INTS7: variants seen among roughly 807,000 people sequenced by gnomAD.
The protein encoded by INTS7 is integrator complex subunit 7, also known as chromosome 1 open reading frame 73.
Under a neutral mutation model 109.2 loss-of-function variants are expected in INTS7, and 46 were observed. That is an observed-to-expected ratio of 0.42 (90% CI 0.33 to 0.54). The LOEUF is 0.54. Ranked by LOEUF, INTS7 falls within the 20% of genes least tolerant of loss-of-function variation. The probability of loss-of-function intolerance (pLI) is 0.07; values close to 1 mark genes in which losing one functional copy is unlikely to be tolerated. For synonymous variants in INTS7, 412 were observed against 402.9 expected (o/e 1.02, Z -0.27); for missense variants, 929 against 1,132.4 (o/e 0.82, Z 2.58).
chr1:211,996,469 A>G (rs1300221699), intron 7 of INTS7, among the ~76,000 whole-genome samples: 1 of 152,096 alleles, frequency 6.6e-6, no homozygotes, highest in Non-Finnish European at 1.5e-5. Context: ...CAAACCCCTG[A>G]ACTGTTTACA....
chr1:211,966,542 C>T (rs762969685), intron 15 of INTS7, 44 bp from the exon 16 acceptor site: 13 of 1,190,734 alleles, frequency 1.1e-5, no homozygotes, highest in South Asian at 3.9e-5. Flanking sequence ...AGAAGAAACC[C>T]GCTATAGGTT....
intron 8 of INTS7, among the ~76,000 whole-genome samples, chr1:211,983,826 GT>G (rs1165068808): frequency 6.7e-6 from 1 of 148,210 alleles, no homozygotes; most frequent in Non-Finnish European, 1.5e-5. Flanking sequence ...GAGCCTCAGT[GT>G]TTTTTGGGTT....
chr1:211,959,338 C>T lies in INTS7; in HGVS notation c.2184-6637G>A, dbSNP rs556237463. Among the ~76,000 whole-genome samples, 2 of 152,320 alleles carry T rather than the reference C, an allele frequency of 1.3e-5. No homozygotes were observed. The highest frequency in any genetic ancestry group is 3.9e-4 in the East Asian group (2 of 5,174). On this transcript the variant is annotated intron_variant, in intron 16 of 19. Transcript: ENST00000366994. This position sits in a 1 kb window ranked among gnomAD's most constrained non-coding sequence, Gnocchi z 4.2. ...CAGATGGGGCCAGTCCATCTGGCCT[C>T]TCCTGGGGCCCCAACCTGGCTGTGC... is the stretch of plus-strand genomic sequence containing the variant.
At chr1:211,952,321 G>A in intron 17 of INTS7, 1 of 323,696 alleles carries the variant, frequency 3.1e-6, no homozygotes, top group Non-Finnish European at 5.5e-6. Flanking sequence ...AATTTTATTT[G>A]CATTCTGGTA....
intron 3 of INTS7, 30 bp from the exon 4 acceptor site, chr1:212,017,053 G>A (rs1457613447): frequency 5.9e-6 from 9 of 1,530,266 alleles, no homozygotes; most frequent in African/African-American, 2.9e-5. Flanking sequence ...CAAGAAGATC[G>A]GGCATAAAAT....
chr1:211,966,376 G>T, intron 16 of INTS7, 54 bp downstream of exon 16: 1 of 982,642 alleles, frequency 1.0e-6, no homozygotes, highest in Non-Finnish European at 1.6e-6. Context: ...GATTAGGTAA[G>T]ACAATGTATA....
chr1:212,026,386 T>C (rs1036333259), intron 1 of INTS7, among the ~76,000 whole-genome samples: 29 of 152,182 alleles, frequency 1.9e-4, no homozygotes, highest in Admixed American at 1.3e-4. Flanking sequence ...ATAATAAATG[T>C]TTCTATGGGA....
At chr1:211,985,010 C>T (rs1664834737) in intron 8 of INTS7, among the ~76,000 whole-genome samples, 1 of 152,074 alleles carries the variant, frequency 6.6e-6, no homozygotes, top group Admixed American at 6.5e-5. Context: ...TCAGAATAAT[C>T]TTGTATATAT....
intron 7 of INTS7, among the ~76,000 whole-genome samples, chr1:211,995,776 G>T (rs1478440057): frequency 1.3e-5 from 2 of 152,128 alleles, no homozygotes; most frequent in East Asian, 3.9e-4. Context: ...TCATGAATGG[G>T]GTAAGTAACC....
At chr1:212,006,288 T>C (rs1665906477) in intron 7 of INTS7, among the ~76,000 whole-genome samples, 1 of 152,084 alleles carries the variant, frequency 6.6e-6, no homozygotes, top group African/African-American at 2.4e-5. Flanking sequence ...CCATTACAGA[T>C]AACATTCAGC....
At chr1:211,994,877 G>C (rs898816644) in intron 7 of INTS7, among the ~76,000 whole-genome samples, 7 of 54,000 alleles carry the variant, frequency 1.3e-4, no homozygotes, top group African/African-American at 9.8e-4. Context: ...AGAAATAATA[G>C]TAAGCTGTGA....
Position 211,941,832 on chromosome 1 carries a change from G to A in INTS7, c.2881C>T (p.Arg961Trp), listed in dbSNP as rs1376543266. 16 of 1,613,948 alleles carry A rather than the reference G, an allele frequency of 9.9e-6. No homozygotes were observed. Among genetic ancestry groups the A allele is most frequent in the Middle Eastern group, 1.7e-4 (1 of 6,060 alleles). Residue 961 changes from arginine (R) to tryptophan (W), a missense_variant, in exon 20 of 20, where the codon CGG becomes TGG. Physicochemically the swap from Arg to Trp is moderately radical, Grantham distance 101. Coordinates refer to ENST00000366994, the MANE Select transcript of INTS7 (RefSeq NM_015434.4). ...QQQQQRNAYT[R>W]F Reference sequence around the variant, plus strand: ...GTGCATTCATTCCATGGTTAAAACCGTGTGTAGGCATTGCGTTGCTGCTGC... The same window carrying A: ...GTGCATTCATTCCATGGTTAAAACCATGTGTAGGCATTGCGTTGCTGCTGC...
intron 3 of INTS7, 62 bp downstream of exon 3, chr1:212,020,059 CT>C: frequency 2.6e-6 from 3 of 1,170,516 alleles, no homozygotes; most frequent in South Asian, 2.2e-5. Context: ...AATACACTGC[CT>C]TTTTTGTACA....
At chr1:212,014,938 C>G (rs1391941396) in intron 4 of INTS7, among the ~76,000 whole-genome samples, 1 of 152,228 alleles carries the variant, frequency 6.6e-6, no homozygotes, top group African/African-American at 2.4e-5. Flanking sequence ...CAAAGTGCAG[C>G]CTGTGCCCGG....
intron 1 of INTS7, among the ~76,000 whole-genome samples, chr1:212,027,601 C>A (rs953890862): frequency 2.6e-5 from 4 of 152,216 alleles, no homozygotes; most frequent in African/African-American, 4.8e-5. Flanking sequence ...TTTATTCATT[C>A]AAAATTCATT....
In INTS7 at chr1:211,946,458, A is replaced by T; in HGVS notation, c.2415+149T>A. The T allele has an allele frequency of 2.0e-6, 1 of 496,568 alleles. No homozygotes were observed. The allele number at this position is 496,568 out of a possible 1,614,324, so 30.8% of individuals were successfully genotyped here. On this transcript the variant is annotated intron_variant, in intron 18 of 19. Coordinates refer to ENST00000366994, the MANE Select transcript of INTS7 (RefSeq NM_015434.4). This position sits in a 1 kb window ranked among gnomAD's most constrained non-coding sequence, Gnocchi z 4.3. ...ACCACTGTACTCCAGCCCAGGCGACAGGGCGAGACTCTGTCTCAAAAAACA... is the reference window on the plus strand; with the variant it reads ...ACCACTGTACTCCAGCCCAGGCGACTGGGCGAGACTCTGTCTCAAAAAACA...
rs1213726388 is a variant in INTS7, at chr1:211,989,818, T to A, written c.880-1815A>T. Reference sequence around the variant, plus strand: ...GCCAGGGCGACAGAGCAAGACTCCGTTTCAAAAAAAAAAAAAAAAAGTTCT... The same window carrying A: ...GCCAGGGCGACAGAGCAAGACTCCGATTCAAAAAAAAAAAAAAAAAGTTCT... On this transcript the variant is annotated intron_variant, in intron 7 of 19. Coordinates refer to ENST00000366994, the MANE Select transcript of INTS7 (RefSeq NM_015434.4). 1.1e-4 allele frequency among the ~76,000 whole-genome samples: 17 copies of A among 147,980 alleles called. 1 individual carries two copies. The highest frequency in any genetic ancestry group is 7.4e-5 in the Non-Finnish European group (5 of 67,262).
At chr1:211,954,319 G>A (rs896133257) in intron 16 of INTS7, among the ~76,000 whole-genome samples, 2 of 152,130 alleles carry the variant, frequency 1.3e-5, no homozygotes. Context: ...TGAGTAGGTT[G>A]CGAAAATTTT....
intron 17 of INTS7, among the ~76,000 whole-genome samples, chr1:211,947,168 G>C (rs74872539): frequency 0.057 from 8,649 of 152,234 alleles, 283 homozygotes; most frequent in Non-Finnish European, 0.074. Context: ...TTGGTCCTCA[G>C]AGTAAGCAGT....
Sources: allele counts gnomAD v4.1 joint callset (sites outside exome capture counted in the v4.1 genomes callset), GRCh38; gene constraint gnomAD v4.1.1; non-coding constraint Gnocchi (gnomAD v3.1); transcripts MANE v1.5; gene names NCBI Gene and HGNC (gene_info 2026-07-23, HGNC 2026-07-21).